FUCA1: variants seen among roughly 807,000 people sequenced by gnomAD.
FUCA1 encodes alpha-L-fucosidase 1.
A neutral mutation model predicts 56.8 loss-of-function variants in FUCA1; 52 were observed. The observed-to-expected ratio is 0.92, with a 90% CI of 0.73 to 1.15. The LOEUF is 1.15. Ranked by LOEUF, FUCA1 falls within the 50% of genes most tolerant of loss-of-function variation. The probability of loss-of-function intolerance (pLI) is 0.00; values close to 1 mark genes in which losing one functional copy is unlikely to be tolerated. For synonymous variants in FUCA1, 230 were observed against 226.6 expected (o/e 1.02, Z -0.14); for missense variants, 568 against 592.6 (o/e 0.96, Z 0.43).
At chr1:23,858,469 A>G (rs1350766081) in intron 4 of FUCA1, among the ~76,000 whole-genome samples, 1 of 152,218 alleles carries the variant, frequency 6.6e-6, no homozygotes, top group African/African-American at 2.4e-5. Context: ...AACATGTACA[A>G]TCGTGAAATT....
At chr1:23,848,216 C>G (rs1241300816) in intron 6 of FUCA1, among the ~76,000 whole-genome samples, 1 of 152,012 alleles carries the variant, frequency 6.6e-6, no homozygotes, top group East Asian at 1.9e-4. Context: ...GTGCCTGGCA[C>G]TCATCTCATT....
chr1:23,851,257 G>A (rs1299907584), intron 5 of FUCA1, among the ~76,000 whole-genome samples: 1 of 152,090 alleles, frequency 6.6e-6, no homozygotes, highest in East Asian at 1.9e-4. Context: ...CCAGCTATTC[G>A]GGAGGCTGAG....
chr1:23,847,801 C>T (rs569951300), intron 6 of FUCA1, among the ~76,000 whole-genome samples: 1 of 152,168 alleles, frequency 6.6e-6, no homozygotes, highest in African/African-American at 2.4e-5. Flanking sequence ...GCAGGTGGAT[C>T]ACTTGAGGCC....
chr1:23,852,442 C>CCCCTCT (rs146285925), intron 5 of FUCA1, among the ~76,000 whole-genome samples: 1 of 149,104 alleles, frequency 6.7e-6, no homozygotes, highest in Non-Finnish European at 1.5e-5. Flanking sequence ...ACAAAAAACT[C>CCCCTCT]CCCTCTCCCT....
intron 4 of FUCA1, among the ~76,000 whole-genome samples, chr1:23,856,778 T>A (rs1202625302): frequency 6.6e-6 from 1 of 151,632 alleles, no homozygotes; most frequent in Non-Finnish European, 1.5e-5. Context: ...GATCACAAGG[T>A]CAAGAGTTTC....
At chr1:23,849,727 T>G (rs1165276408) in intron 5 of FUCA1, among the ~76,000 whole-genome samples, 1 of 151,510 alleles carries the variant, frequency 6.6e-6, no homozygotes. Flanking sequence ...GGACTACAGG[T>G]GCGCACCACC....
At chr1:23,845,939 A>G in intron 7 of FUCA1, 84 bp from the exon 8 acceptor site, 1 of 1,568,616 alleles carries the variant, frequency 6.4e-7, no homozygotes. Context: ...GGAAACAGCC[A>G]CGCTGGGCCA....
At chr1:23,864,702 TTTTC>T (rs1196800413) in intron 2 of FUCA1, among the ~76,000 whole-genome samples, 7 of 149,840 alleles carry the variant, frequency 4.7e-5, no homozygotes, top group Non-Finnish European at 8.9e-5. Context: ...TTTTTGTCTT[TTTTC>T]TTTTTTTTTT....
chr1:23,867,554 G>C lies in FUCA1; in HGVS notation c.389+344C>G, dbSNP rs1204417988. Reference sequence around the variant, plus strand: ...CAGGTTCACAGTTGAATTAGAACCAGGCTCCACACCACTGATTTGAAACCC... The same window carrying C: ...CAGGTTCACAGTTGAATTAGAACCACGCTCCACACCACTGATTTGAAACCC... On this transcript the variant is annotated intron_variant, in intron 1 of 7. Coordinates refer to ENST00000374479, the MANE Select transcript of FUCA1 (RefSeq NM_000147.5). This position sits in a 1 kb window ranked among gnomAD's most constrained non-coding sequence, Gnocchi z 4.9. Among the ~76,000 whole-genome samples, 1 of 152,104 alleles carries C rather than the reference G, an allele frequency of 6.6e-6. No individual in the cohort carries two copies. The highest frequency in any genetic ancestry group is 1.5e-5 in the Non-Finnish European group (1 of 68,012).
intron 4 of FUCA1, among the ~76,000 whole-genome samples, chr1:23,855,451 C>T (rs543470630): frequency 2.6e-5 from 4 of 152,196 alleles, no homozygotes; most frequent in African/African-American, 9.7e-5. Flanking sequence ...GAGCCGAGAT[C>T]GTGCCACTGC....
intron 2 of FUCA1, among the ~76,000 whole-genome samples, chr1:23,864,763 G>A (rs983524692): frequency 6.7e-6 from 1 of 150,354 alleles, no homozygotes; most frequent in Admixed American, 6.6e-5. Context: ...GGAGTGCAGT[G>A]GTGCGATCTT....
intron 4 of FUCA1, among the ~76,000 whole-genome samples, chr1:23,858,458 G>T (rs972232911): frequency 6.6e-6 from 1 of 152,284 alleles, no homozygotes; most frequent in South Asian, 2.1e-4. Context: ...AACAAATCTA[G>T]AACATGTACA....
chr1:23,847,062 G>C (rs1232309276), intron 6 of FUCA1, among the ~76,000 whole-genome samples: 2 of 152,130 alleles, frequency 1.3e-5, no homozygotes, highest in African/African-American at 4.8e-5. Flanking sequence ...CAGTCCTCGA[G>C]TCTGTCACTG....
intron 4 of FUCA1, among the ~76,000 whole-genome samples, chr1:23,855,858 A>T (rs11803575): frequency 0.26 from 40,120 of 152,112 alleles, 5,943 homozygotes; most frequent in Non-Finnish European, 0.34. Context: ...CGCTTATTCA[A>T]TAAGTATTTA....
intron 4 of FUCA1, among the ~76,000 whole-genome samples, chr1:23,858,564 C>T (rs536413863): frequency 3.2e-4 from 49 of 152,302 alleles, no homozygotes; most frequent in Non-Finnish European, 4.7e-4. Context: ...TGCACTGCCT[C>T]ATAGTGTTGA....
rs1194134430 is a variant in FUCA1, at chr1:23,848,651, T to C, written c.1158A>G (p.Val386=). 4 of 1,613,952 alleles carry C rather than the reference T, an allele frequency of 2.5e-6. No individual in the cohort carries two copies. In the South Asian group the frequency reaches 3.3e-5, roughly 13 times the overall value. ...RVQWEKNTTS[V]WYTSKGSAVY... The stretch of plus-strand genomic sequence containing the variant: ...ACACAACAGAAGACAAGACTCACCA[T>C]ACAGATGTTGTGTTCTTTTCCCATT... Residue 386 remains valine, a splice_region_variant and synonymous_variant, in exon 6 of 8, where the codon GTA becomes GTG. Transcript: ENST00000374479.
At chr1:23,863,598 TC>T (rs1445325316) in intron 2 of FUCA1, among the ~76,000 whole-genome samples, 7 of 152,212 alleles carry the variant, frequency 4.6e-5, no homozygotes, top group Admixed American at 3.9e-4. Flanking sequence ...ATGCCTGTAA[TC>T]CCAGCACTTT....
intron 5 of FUCA1, among the ~76,000 whole-genome samples, chr1:23,853,461 A>G (rs1291875666): frequency 1.2e-4 from 17 of 140,800 alleles, no homozygotes; most frequent in East Asian, 2.2e-4. Flanking sequence ...CCCCCCGCCC[A>G]GCCAGCCGCC....
At chr1:23,853,751 TCGGTGACCCTACC>T (rs1639330035) in intron 5 of FUCA1, among the ~76,000 whole-genome samples, 1 of 151,422 alleles carries the variant, frequency 6.6e-6, no homozygotes, top group Non-Finnish European at 1.5e-5. Flanking sequence ...ATCCTGTTGA[TCGGTGACCCTACC>T]CACAACCCTG....
Sources: allele counts gnomAD v4.1 joint callset (sites outside exome capture counted in the v4.1 genomes callset), GRCh38; gene constraint gnomAD v4.1.1; non-coding constraint Gnocchi (gnomAD v3.1); transcripts MANE v1.5; gene names NCBI Gene and HGNC (gene_info 2026-07-23, HGNC 2026-07-21).